The following GPC6 variants were observed in gnomAD, a reference collection of about 807,000 sequenced individuals.
GPC6 encodes glypican 6, also known as glypican-6.
A neutral mutation model predicts 55.2 loss-of-function variants in GPC6; 14 were observed. The ratio of observed to expected loss-of-function variants is 0.25; its 90% CI spans 0.17 to 0.40. The LOEUF (loss-of-function observed/expected upper bound fraction) is 0.40, where lower values mean the gene tolerates loss of function less well. Ranked by LOEUF, GPC6 falls within the 10% of genes least tolerant of loss-of-function variation. The pLI is 1.00. For missense variants in GPC6, 641 were observed against 708.5 expected, an observed-to-expected ratio of 0.90 and a Z score of 1.08; for synonymous variants, 278 against 259.6, an observed-to-expected ratio of 1.07 and a Z score of -0.68.
At chr13:93,938,639 T>C (rs1878564037) in intron 3 of GPC6, among the ~76,000 whole-genome samples, 1 of 152,182 alleles carries the variant, frequency 6.6e-6, no homozygotes, top group Admixed American at 6.5e-5. Context: ...AAAATCTTCC[T>C]TGATGTTCTA....
intron 1 of GPC6, among the ~76,000 whole-genome samples, chr13:93,396,879 A>G (rs1030043641): frequency 1.3e-5 from 2 of 152,060 alleles, no homozygotes; most frequent in Non-Finnish European, 2.9e-5. Context: ...TTTTATGCAC[A>G]TGCTTTTAAA....
intron 5 of GPC6, among the ~76,000 whole-genome samples, chr13:94,296,182 G>C (rs146387023): frequency 2.6e-5 from 4 of 152,144 alleles, no homozygotes; most frequent in Non-Finnish European, 5.9e-5. Flanking sequence ...CATCCAGCGC[G>C]AACTAGTTTT....
chr13:94,317,835 G>A lies in GPC6; in HGVS notation c.1152+11712G>A, dbSNP rs534619262. Reference sequence around the variant, plus strand: ...TCGTAGTATGACAAGGAAGGGTATAGTGTATGTGAGTGTGAGAGTGTGTGT... The same window carrying A: ...TCGTAGTATGACAAGGAAGGGTATAATGTATGTGAGTGTGAGAGTGTGTGT... On this transcript the variant is annotated intron_variant, in intron 6 of 8. Transcript: ENST00000377047. Among the ~76,000 whole-genome samples the A allele has an allele frequency of 3.3e-5, 5 of 152,210 alleles. No homozygotes were observed. In the East Asian group the frequency reaches 5.8e-4, roughly 18 times the overall value.
At chr13:93,236,009 G>A (rs1876221716) in intron 1 of GPC6, among the ~76,000 whole-genome samples, 1 of 152,124 alleles carries the variant, frequency 6.6e-6, no homozygotes, top group African/African-American at 2.4e-5. Context: ...AATGCCTAGA[G>A]GCACAGAAAG....
In GPC6 at chr13:93,532,305, A is replaced by G. The variant is rs998908682; in HGVS notation, c.161-12958A>G. Among the ~76,000 whole-genome samples the G allele has an allele frequency of 5.9e-5, 9 of 152,050 alleles. No homozygotes were observed. The South Asian group carries it at 8.3e-4, about 14-fold the overall frequency. On this transcript the variant is annotated intron_variant, in intron 1 of 8. Transcript: ENST00000377047. ...TTAAAAATTGGTGCTGAGAAATACA[A>G]TGAATCTCTCTGTGTGTGTGTAATG...
At chr13:94,351,701 T>C (rs189712695) in intron 6 of GPC6, among the ~76,000 whole-genome samples, 1 of 152,186 alleles carries the variant, frequency 6.6e-6, no homozygotes, top group African/African-American at 2.4e-5. Context: ...TTCTATGACC[T>C]TAACCCCCCA....
intron 4 of GPC6, among the ~76,000 whole-genome samples, chr13:94,088,303 T>A (rs1885359475): frequency 6.6e-6 from 1 of 152,158 alleles, no homozygotes; most frequent in South Asian, 2.1e-4. Flanking sequence ...ACTATAATGC[T>A]TATAAGGAAT....
chr13:93,923,697 T>A (rs150934115), intron 3 of GPC6, among the ~76,000 whole-genome samples: 71 of 152,312 alleles, frequency 4.7e-4, no homozygotes, highest in African/African-American at 1.5e-3. Context: ...GCTATTCAGA[T>A]AGAAGATTGG....
At chr13:93,380,138 TAA>T (rs779181293) in intron 1 of GPC6, among the ~76,000 whole-genome samples, 3 of 152,146 alleles carry the variant, frequency 2.0e-5, no homozygotes, top group Non-Finnish European at 4.4e-5. Flanking sequence ...TTATCAAGAT[TAA>T]AAGTTACTGA....
chr13:94,117,889 A>T (rs7323891), intron 4 of GPC6, among the ~76,000 whole-genome samples: 8,558 of 152,128 alleles, frequency 0.056, 824 homozygotes, highest in African/African-American at 0.2. Context: ...TATGAGTAGG[A>T]GCATGCTTGG....
At chr13:93,613,725 A>G (rs536249127) in intron 2 of GPC6, among the ~76,000 whole-genome samples, 1 of 152,262 alleles carries the variant, frequency 6.6e-6, no homozygotes, top group Admixed American at 6.5e-5. Context: ...AGTCCATAAG[A>G]ATATGTCTTT....
chr13:93,879,411 A>T (rs868306975), intron 3 of GPC6, among the ~76,000 whole-genome samples: 1 of 152,222 alleles, frequency 6.6e-6, no homozygotes, highest in Non-Finnish European at 1.5e-5. Context: ...ATAATGCCCC[A>T]TATCTACAAC....
chr13:93,512,219 A>G (rs1881009616), intron 1 of GPC6, among the ~76,000 whole-genome samples: 1 of 152,096 alleles, frequency 6.6e-6, no homozygotes, highest in Non-Finnish European at 1.5e-5. Flanking sequence ...TATACTGAAT[A>G]AAAGTAGTGA....
At chr13:93,763,682 G>T (rs936221607) in intron 2 of GPC6, among the ~76,000 whole-genome samples, 2 of 152,162 alleles carry the variant, frequency 1.3e-5, no homozygotes, top group African/African-American at 4.8e-5. Context: ...TTTCTAAAAA[G>T]AAATATCTGT....
At chr13:93,312,612 A>G (rs1250170782) in intron 1 of GPC6, among the ~76,000 whole-genome samples, 1 of 152,126 alleles carries the variant, frequency 6.6e-6, no homozygotes, top group African/African-American at 2.4e-5. Flanking sequence ...TTTCTTTTCT[A>G]GTTTGAAAAC....
chr13:94,104,363 A>G (rs1055621127), intron 4 of GPC6, among the ~76,000 whole-genome samples: 5 of 152,178 alleles, frequency 3.3e-5, no homozygotes, highest in African/African-American at 1.2e-4. Flanking sequence ...AGCCAATATC[A>G]TACTGAATGG....
intron 3 of GPC6, among the ~76,000 whole-genome samples, chr13:93,890,112 A>G (rs765093069): frequency 6.6e-6 from 1 of 152,126 alleles, no homozygotes; most frequent in Non-Finnish European, 1.5e-5. Context: ...TGTCTGTCTG[A>G]CAGAATTAGG....
intron 4 of GPC6, among the ~76,000 whole-genome samples, chr13:94,175,319 TC>T (rs1335547195): frequency 6.6e-6 from 1 of 152,170 alleles, no homozygotes; most frequent in Non-Finnish European, 1.5e-5. Flanking sequence ...ATAGCAGCCA[TC>T]CACAATGTGT....
intron 4 of GPC6, among the ~76,000 whole-genome samples, chr13:94,103,914 T>G (rs942672564): frequency 2.8e-4 from 43 of 152,222 alleles, no homozygotes; most frequent in African/African-American, 8.4e-4. Context: ...TATTTTGGCT[T>G]TTGTTGCCGT....
Sources: gnomAD v4.1 joint callset for allele counts (sites outside exome capture counted in the v4.1 genomes callset) on GRCh38, gnomAD v4.1.1 for gene constraint, MANE v1.5 for transcripts, NCBI Gene and HGNC (gene_info 2026-07-23, HGNC 2026-07-21) for gene names.